Variants in PTGES3 observed in about 807,000 individuals in gnomAD.
PTGES3 encodes Hsp90 co-chaperone.
Under a neutral mutation model 29.9 loss-of-function variants are expected in PTGES3, and 5 were observed. The ratio of observed to expected loss-of-function variants is 0.17; its 90% confidence interval spans 0.09 to 0.35. PTGES3 has a LOEUF of 0.35. Ranked by LOEUF, PTGES3 falls within the 10% of genes least tolerant of loss-of-function variation. The probability of loss-of-function intolerance (pLI) is 1.00; values close to 1 mark genes in which losing one functional copy is unlikely to be tolerated. For missense variants in PTGES3, 128 were observed against 190.0 expected, an observed-to-expected ratio of 0.67 and a Z score of 1.92; for synonymous variants, 49 against 57.8, an observed-to-expected ratio of 0.85 and a Z score of 0.69.
chr12:56,665,527 G>A, intron 6 of PTGES3: 3 of 981,126 alleles, frequency 3.1e-6, no homozygotes, highest in Non-Finnish European at 3.6e-6. Flanking sequence ...ACTCTTGACC[G>A]CATGATCCAC....
At chr12:56,684,194 G>A (rs1422902431) in intron 1 of PTGES3, among the ~76,000 whole-genome samples, 1 of 151,854 alleles carries the variant, frequency 6.6e-6, no homozygotes, top group African/African-American at 2.4e-5. Context: ...CTAACCACAA[G>A]ACCCAAAAAT....
At chr12:56,670,529 T>C (rs1951963078) in intron 4 of PTGES3, 165 bp from the exon 5 acceptor site, 1 of 593,984 alleles carries the variant, frequency 1.7e-6, no homozygotes. Flanking sequence ...GATCAATATG[T>C]GAGTTTTGAC....
chr12:56,687,278 G>A lies in PTGES3; in HGVS notation c.2+720C>T. Reference sequence around the variant, plus strand: ...AAGTAGAACATGAAACACAGAAAATGTCCGTATCTTTCCAAAGTCGACACG... The same window carrying A: ...AAGTAGAACATGAAACACAGAAAATATCCGTATCTTTCCAAAGTCGACACG... On this transcript the variant is annotated intron_variant, in intron 1 of 7. Transcript: ENST00000262033. 3.0e-6 allele frequency: 3 copies of A among 997,184 alleles called. No homozygotes were observed. In the South Asian group the frequency reaches 1.4e-4, roughly 47 times the overall value. The allele number at this position is 997,184 out of a possible 1,614,324, so 61.8% of individuals were successfully genotyped here.
chr12:56,668,574 G>T (rs889705813), intron 5 of PTGES3, among the ~76,000 whole-genome samples: 3 of 152,068 alleles, frequency 2.0e-5, no homozygotes, highest in Non-Finnish European at 4.4e-5. Flanking sequence ...TGCACAGCTA[G>T]GTAAATGGTG....
At chr12:56,667,584 G>A (rs775502924) in intron 5 of PTGES3, among the ~76,000 whole-genome samples, 3 of 152,322 alleles carry the variant, frequency 2.0e-5, no homozygotes, top group African/African-American at 4.8e-5. Context: ...AATACTGCAT[G>A]ATTCCACTTA....
At position 56,664,884 on chromosome 12, in the gene PTGES3, A is replaced by G. The variant is rs534426171; in HGVS notation, c.439-84T>C. On this transcript the variant is annotated intron_variant, in intron 6 of 7. Transcript: ENST00000262033. ...GTTTACCTAAAAAAGTTCAAGTGCT[A>G]TATTTTTGACTAAAGTAGCACAGGT... 3.3e-5 allele frequency: 51 copies of G among 1,555,846 alleles called. No homozygotes were observed. In the Admixed American group the frequency reaches 8.2e-4, roughly 25 times the overall value.
chr12:56,677,650 C>T (rs1952320061), intron 1 of PTGES3, among the ~76,000 whole-genome samples: 1 of 151,836 alleles, frequency 6.6e-6, no homozygotes, highest in African/African-American at 2.4e-5. Flanking sequence ...ACTCCTTGTT[C>T]CCCATTATTA....
chr12:56,666,037 AC>A (rs1204135003), intron 6 of PTGES3, 166 bp downstream of exon 6: 3 of 1,383,448 alleles, frequency 2.2e-6, no homozygotes, highest in South Asian at 1.7e-5. Flanking sequence ...CCTAATAGAT[AC>A]CCCCATTCGT....
intron 1 of PTGES3, among the ~76,000 whole-genome samples, chr12:56,679,445 G>A (rs1026402957): frequency 6.9e-5 from 10 of 145,476 alleles, no homozygotes; most frequent in African/African-American, 1.3e-4. Flanking sequence ...TGGAATGTCC[G>A]CCTGTGGGGT....
chr12:56,665,545 C>T (rs759243088), intron 6 of PTGES3: 33 of 984,684 alleles, frequency 3.4e-5, no homozygotes, highest in Admixed American at 1.2e-4. Context: ...CACCCATCTC[C>T]GCCTCCCAAT....
At chr12:56,673,485 GAA>G (rs1164653881) in intron 1 of PTGES3, among the ~76,000 whole-genome samples, 26 of 62,866 alleles carry the variant, frequency 4.1e-4, no homozygotes, top group African/African-American at 2.3e-3. Flanking sequence ...TACAAATACG[GAA>G]AAAAAAAAAA....
At chr12:56,668,671 A>G (rs1455164499) in intron 5 of PTGES3, among the ~76,000 whole-genome samples, 1 of 152,244 alleles carries the variant, frequency 6.6e-6, no homozygotes, top group Non-Finnish European at 1.5e-5. Context: ...ACCATGCCAG[A>G]GTCACGTGTG....
intron 1 of PTGES3, among the ~76,000 whole-genome samples, chr12:56,685,768 T>C (rs1307510891): frequency 9.7e-5 from 11 of 113,104 alleles, no homozygotes; most frequent in Non-Finnish European, 1.2e-4. Context: ...CTGCTACACT[T>C]ACTTTTTTTT....
chr12:56,674,994 A>G, intron 1 of PTGES3, among the ~76,000 whole-genome samples: 2 of 76,988 alleles, frequency 2.6e-5, no homozygotes. Flanking sequence ...ACAAGAGTGA[A>G]ACTCGGTCTC....
At chr12:56,678,857 C>T (rs1045170909) in intron 1 of PTGES3, among the ~76,000 whole-genome samples, 21 of 152,150 alleles carry the variant, frequency 1.4e-4, no homozygotes, top group Non-Finnish European at 2.5e-4. Flanking sequence ...TGCCTCATGC[C>T]TGGAATCCTA....
At chr12:56,666,037 A>AT (rs1464287665) in intron 6 of PTGES3, 167 bp downstream of exon 6, 1 of 1,383,448 alleles carries the variant, frequency 7.2e-7, no homozygotes, top group African/African-American at 1.6e-5. Context: ...CCTAATAGAT[A>AT]CCCCCATTCG....
At chr12:56,670,948 C>A (rs1951977970) in intron 4 of PTGES3, among the ~76,000 whole-genome samples, 1 of 151,894 alleles carries the variant, frequency 6.6e-6, no homozygotes, top group Non-Finnish European at 1.5e-5. Context: ...GGGGAAAAAA[C>A]AAAAAAACAA....
intron 4 of PTGES3, among the ~76,000 whole-genome samples, 171 bp downstream of exon 4, chr12:56,671,578 T>C (rs371587055): frequency 1.3e-5 from 2 of 152,218 alleles, no homozygotes; most frequent in Admixed American, 6.5e-5. Flanking sequence ...TAATAACTGA[T>C]ATTCTGATCA....
intron 4 of PTGES3, 67 bp downstream of exon 4, chr12:56,671,682 A>G (rs1592250650): frequency 1.9e-6 from 2 of 1,039,594 alleles, no homozygotes; most frequent in Non-Finnish European, 2.8e-6. Context: ...CTTACATCAA[A>G]TAAGTACATC....
Sources: gnomAD v4.1 joint callset for allele counts (sites outside exome capture counted in the v4.1 genomes callset) on GRCh38, gnomAD v4.1.1 for gene constraint, MANE v1.5 for transcripts, NCBI Gene and HGNC (gene_info 2026-07-23, HGNC 2026-07-21) for gene names.